Variants in ZC3HAV1 observed in about 807,000 individuals in gnomAD.
ZC3HAV1 encodes zinc finger CCCH-type antiviral protein 1.
A neutral mutation model predicts 86.6 loss-of-function variants in ZC3HAV1; 41 were observed. The observed-to-expected ratio is 0.47, with a 90% CI of 0.37 to 0.61. ZC3HAV1 has a LOEUF of 0.61. Ranked by LOEUF, ZC3HAV1 falls within the 20% of genes least tolerant of loss-of-function variation. The pLI is 0.00. For synonymous variants in ZC3HAV1, 421 were observed against 432.1 expected, an observed-to-expected ratio of 0.97 and a Z score of 0.32; for missense variants, 964 against 1,141.1, an observed-to-expected ratio of 0.84 and a Z score of 2.24.
chr7:139,066,905 C>G (rs947968542), intron 7 of ZC3HAV1, among the ~76,000 whole-genome samples: 1 of 152,118 alleles, frequency 6.6e-6, no homozygotes, highest in South Asian at 2.1e-4. Context: ...TGTGAGTGCC[C>G]CAGAGATCAT....
Position 139,080,034 on chromosome 7 carries a change from G to T in ZC3HAV1, c.907C>A (p.Gln303Lys). The T allele has an allele frequency of 6.2e-7, 1 of 1,614,148 alleles. No homozygotes were observed. Reference protein sequence around the residue: ...LTRKFTYLGSQDRARPPSGSS... With the variant: ...LTRKFTYLGSKDRARPPSGSS... The stretch of plus-strand genomic sequence containing the variant: ...CCTGAGGGAGGCCGAGCGCGATCCT[G>T]ACTCCCCAGATACGTGAACTTGCGG... The change falls in exon 4 of 13, where the codon CAG becomes AAG. Residue 303 changes from glutamine to lysine, a missense_variant. Gln to Lys is a moderately conservative substitution (Grantham distance 53). Transcript: ENST00000242351.
At chr7:139,063,261 A>G (rs1462366773) in intron 8 of ZC3HAV1, among the ~76,000 whole-genome samples, 1 of 152,020 alleles carries the variant, frequency 6.6e-6, no homozygotes, top group Non-Finnish European at 1.5e-5. Context: ...AATTTTTTTA[A>G]TTTAAGTCAT....
chr7:139,101,672 C>A lies in ZC3HAV1; in HGVS notation c.308+7352G>T, dbSNP rs557238261. ...ATTTTGTTCTGTACTAAGAAAAATT[C>A]TTCTGCCTTGGGATGCTGTTGATCT... On this transcript the variant is annotated intron_variant, in intron 1 of 12. Coordinates refer to ENST00000242351, the MANE Select transcript of ZC3HAV1 (RefSeq NM_020119.4). Among the ~76,000 whole-genome samples the A allele has an allele frequency of 4.9e-4, 73 of 150,494 alleles. 1 individual carries two copies. The highest frequency in any genetic ancestry group is 6.8e-3 in the Middle Eastern group (2 of 292).
chr7:139,093,804 A>G (rs1354248561), intron 1 of ZC3HAV1, among the ~76,000 whole-genome samples: 1 of 152,154 alleles, frequency 6.6e-6, no homozygotes, highest in African/African-American at 2.4e-5. Flanking sequence ...GTCTCTTCAC[A>G]CGGACGCGAG....
At position 139,055,249 on chromosome 7, in the gene ZC3HAV1, G is replaced by A. The variant is rs141029907; in HGVS notation, c.2143C>T (p.Arg715Cys). The A allele has an allele frequency of 1.3e-4, 203 of 1,613,354 alleles. No homozygotes were observed. Among genetic ancestry groups the A allele is most frequent in the Middle Eastern group, 9.9e-4 (6 of 6,060 alleles). The change falls in exon 10 of 13, where the codon CGT becomes TGT. Residue 715 changes from arginine (R) to cysteine (C), a missense_variant. Arg to Cys is a radical substitution (Grantham distance 180). Transcript: ENST00000242351. The stretch of plus-strand genomic sequence containing the variant: ...AGGAAGCAAAAGTCCTCCTGAGGAC[G>A]AAAGGTCGCAGTTAAAGACACTGAC... ...TSSVSLTATF[R>C]PQEDFCFLSS...
rs772191160 is a variant in ZC3HAV1, at chr7:139,055,275, G to A, written c.2117C>T (p.Ser706Leu). The A allele has an allele frequency of 7.4e-6, 12 of 1,612,952 alleles. No homozygotes were observed. Among genetic ancestry groups the A allele is most frequent in the East Asian group, 4.5e-5 (2 of 44,860 alleles). The change falls in exon 10 of 13, where the codon TCG becomes TTG. Residue 706 changes from serine to leucine, a missense_variant. By Grantham distance (145) the Ser-to-Leu change is moderately radical. Transcript: ENST00000242351. ...AAAGGTCGCAGTTAAAGACACTGACGAGGTCTTTGCTGGCTGATGGCTACA... is the reference window on the plus strand; with the variant it reads ...AAAGGTCGCAGTTAAAGACACTGACAAGGTCTTTGCTGGCTGATGGCTACA... ...RGPDHQPAKTSSVSLTATFRP... is the reference protein window; with the variant it reads ...RGPDHQPAKTLSVSLTATFRP...
chr7:139,058,436 C>A, intron 9 of ZC3HAV1, among the ~76,000 whole-genome samples: 1 of 66,076 alleles, frequency 1.5e-5, no homozygotes, highest in South Asian at 7.6e-4. Context: ...CAACCTAACC[C>A]CCAACCCCCC....
intron 7 of ZC3HAV1, among the ~76,000 whole-genome samples, chr7:139,073,385 T>C (rs1030337462): frequency 6.6e-6 from 1 of 151,940 alleles, no homozygotes; most frequent in Admixed American, 6.6e-5. Context: ...TGAAAAAAAA[T>C]TGAATATAGC....
chr7:139,085,209 G>C (rs753051963), intron 2 of ZC3HAV1, among the ~76,000 whole-genome samples: 1 of 152,216 alleles, frequency 6.6e-6, no homozygotes. Flanking sequence ...GGATGATTCT[G>C]ATGTCCGCTA....
At chr7:139,078,410 C>T (rs1052815484) in intron 5 of ZC3HAV1, 142 bp downstream of exon 5, 3 of 628,718 alleles carry the variant, frequency 4.8e-6, no homozygotes, top group South Asian at 2.1e-5. Flanking sequence ...ACTATATGAT[C>T]CCCCAACTCC....
At chr7:139,073,674 A>G (rs1265148067) in intron 7 of ZC3HAV1, among the ~76,000 whole-genome samples, 182 bp downstream of exon 7, 1 of 152,054 alleles carries the variant, frequency 6.6e-6, no homozygotes, top group Non-Finnish European at 1.5e-5. Context: ...TATTTTTAAT[A>G]GAGATGGGGT....
chr7:139,108,575 C>G lies in ZC3HAV1; in HGVS notation c.308+449G>C, dbSNP rs931489356. The stretch of plus-strand genomic sequence containing the variant: ...GCGGAGACGGACCGGGGGCCCAGGG[C>G]GGCTGGGTTACTGGCTCCGCCACGT... On this transcript the variant is annotated intron_variant, in intron 1 of 12. Transcript: ENST00000242351. The surrounding 1 kb of genome is among the most constrained non-coding windows in gnomAD (Gnocchi z 4.2). 6.6e-6 allele frequency among the ~76,000 whole-genome samples: 1 copy of G among 152,148 alleles called. No individual in the cohort carries two copies. Among genetic ancestry groups the G allele is most frequent in the African/African-American group, 2.4e-5 (1 of 41,448 alleles).
intron 1 of ZC3HAV1, among the ~76,000 whole-genome samples, chr7:139,095,604 G>A (rs6975036): frequency 0.31 from 47,552 of 152,174 alleles, 8,808 homozygotes; most frequent in African/African-American, 0.51. Context: ...GGAGAGCAGA[G>A]GAGGCTGGGC....
At chr7:139,075,880 T>C (rs998955105) in intron 6 of ZC3HAV1, among the ~76,000 whole-genome samples, 1 of 152,264 alleles carries the variant, frequency 6.6e-6, no homozygotes, top group African/African-American at 2.4e-5. Flanking sequence ...TTTTAAATTA[T>C]GAAGTTAAGC....
intron 3 of ZC3HAV1, among the ~76,000 whole-genome samples, chr7:139,080,651 G>A (rs182104939): frequency 1.1e-3 from 169 of 152,266 alleles, no homozygotes; most frequent in Non-Finnish European, 2.0e-3. Context: ...CCATGGCCTA[G>A]GATGACAGTG....
In ZC3HAV1 at chr7:139,089,639, A is replaced by G. The variant is rs1216702688; in HGVS notation, c.429T>C (p.Pro143=). The change falls in exon 2 of 13, where the codon CCT becomes CCC. Residue 143 remains proline, a synonymous_variant. Transcript: ENST00000242351. ...ELAVLLLQSD[P]FFMPEICKSY... Reference sequence around the variant, plus strand: ...CACAACTTACCTCGGGCATAAAAAAAGGATCACTTTGGAGGAGGAGCACTG... The same window carrying G: ...CACAACTTACCTCGGGCATAAAAAAGGGATCACTTTGGAGGAGGAGCACTG... The G allele has an allele frequency of 1.5e-5, 24 of 1,603,962 alleles. No homozygotes were observed. Among genetic ancestry groups the G allele is most frequent in the Non-Finnish European group, 2.0e-5 (24 of 1,176,386 alleles).
rs1310567899 is a variant in ZC3HAV1, at chr7:139,045,861, T to C, written c.*1733A>G. The stretch of plus-strand genomic sequence containing the variant: ...ATAAGTCAATGAGAATAAGCATTTG[T>C]AGTAACTCTCCCAGAAAATAACTCT... On this transcript the variant is annotated 3_prime_UTR_variant, in exon 13 of 13. Transcript: ENST00000242351. 2.0e-5 allele frequency: 3 copies of C among 150,990 alleles called. No homozygotes were observed. The highest frequency in any genetic ancestry group is 2.9e-5 in the Non-Finnish European group (2 of 67,856). 9.4% of individuals were successfully genotyped at this position (150,990 alleles called of 1,614,324 possible).
intron 1 of ZC3HAV1, among the ~76,000 whole-genome samples, chr7:139,100,755 A>ACTCTCC (rs1563141872): frequency 7.5e-6 from 1 of 133,840 alleles, no homozygotes; most frequent in Admixed American, 7.4e-5. Context: ...TCAAAATTCC[A>ACTCTCC]CTCTCCCTCT....
Position 139,079,692 on chromosome 7 carries a change from T to G in ZC3HAV1, c.1249A>C (p.Ser417Arg), listed in dbSNP as rs1433861125. 2 of 1,614,076 alleles carry G rather than the reference T, an allele frequency of 1.2e-6. No individual in the cohort carries two copies. The highest frequency in any genetic ancestry group is 1.7e-6 in the Non-Finnish European group (2 of 1,180,042). Residue 417 changes from serine (S) to arginine (R), a missense_variant, in exon 4 of 13, where the codon AGT (serine) becomes CGT (arginine). Transcript: ENST00000242351. ...SSDYRIINGK[S>R]GTQDIQPGPL... ...CCAGGCTGGATGTCCTGAGTTCCAC[T>G]TTTGCCATTGATGATCCTGTAGTCT...
Sources: gnomAD v4.1 joint callset for allele counts (sites outside exome capture counted in the v4.1 genomes callset) on GRCh38, gnomAD v4.1.1 for gene constraint, Gnocchi (gnomAD v3.1) non-coding constraint, MANE v1.5 for transcripts, NCBI Gene and HGNC (gene_info 2026-07-23, HGNC 2026-07-21) for gene names.